The following ZFHX4 variants were observed in gnomAD, a reference collection of about 807,000 sequenced individuals.
ZFHX4 encodes zinc finger homeobox protein 4.
A neutral mutation model predicts 267.6 loss-of-function variants in ZFHX4; 56 were observed. The observed-to-expected ratio is 0.21, with a 90% confidence interval of 0.17 to 0.26. The LOEUF (loss-of-function observed/expected upper bound fraction) is 0.26, where lower values mean the gene tolerates loss of function less well. Among genes scored for constraint, ZFHX4 ranks in the 10% least tolerant of loss-of-function variants. The probability of loss-of-function intolerance (pLI) is 1.00; values close to 1 mark genes in which losing one functional copy is unlikely to be tolerated. For missense variants in ZFHX4, 4,332 were observed against 4,420.0 expected, an observed-to-expected ratio of 0.98 and a Z score of 0.56; for synonymous variants, 1,778 against 1,665.6, an observed-to-expected ratio of 1.07 and a Z score of -1.64.
At chr8:76,683,647 GGAGAGAGGGAGAGA>G (rs1386179726) in intron 1 of ZFHX4, 1 of 126,552 alleles carries the variant, frequency 7.9e-6, no homozygotes, top group East Asian at 2.5e-4. Flanking sequence ...AGAGAGGGGG[GGAGAGAGGGAGAGA>G]GAGAGAGAGA....
chr8:76,735,560 G>C (rs1230284811), intron 3 of ZFHX4, among the ~76,000 whole-genome samples: 1 of 151,898 alleles, frequency 6.6e-6, no homozygotes, highest in East Asian at 1.9e-4. Context: ...TCCAGGAAAT[G>C]GTTTTAAAAC....
chr8:76,708,438 T>A (rs1191491706), intron 3 of ZFHX4, among the ~76,000 whole-genome samples: 1 of 151,992 alleles, frequency 6.6e-6, no homozygotes, highest in African/African-American at 2.4e-5. Flanking sequence ...AATCAGTGCC[T>A]AACCTTGTGA....
At chr8:76,807,588 C>T (rs548281085) in intron 4 of ZFHX4, among the ~76,000 whole-genome samples, 1 of 152,140 alleles carries the variant, frequency 6.6e-6, no homozygotes, top group Admixed American at 6.6e-5. Flanking sequence ...GGGGACATTA[C>T]CATCTTAAAC....
intron 3 of ZFHX4, among the ~76,000 whole-genome samples, chr8:76,754,395 A>G (rs1809708931): frequency 6.6e-6 from 1 of 152,114 alleles, no homozygotes. Flanking sequence ...AGGCTGAGAC[A>G]GGAGAATCAC....
intron 1 of ZFHX4, among the ~76,000 whole-genome samples, chr8:76,703,063 G>C (rs1808145061): frequency 6.6e-6 from 1 of 152,024 alleles, no homozygotes; most frequent in African/African-American, 2.4e-5. Context: ...GTCAGAAACT[G>C]ATATGGCTTT....
At chr8:76,857,883 G>C (rs796072083) in intron 10 of ZFHX4, among the ~76,000 whole-genome samples, 5 of 147,916 alleles carry the variant, frequency 3.4e-5, no homozygotes, top group African/African-American at 1.2e-4. Context: ...GTTATTTTCT[G>C]GTCCCATTTT....
chr8:76,815,672 T>C (rs1214995580), intron 4 of ZFHX4, among the ~76,000 whole-genome samples: 1 of 152,120 alleles, frequency 6.6e-6, no homozygotes, highest in Non-Finnish European at 1.5e-5. Context: ...TGGCTAATTT[T>C]TTATTTTTTG....
chr8:76,806,234 A>G (rs1005940087), intron 4 of ZFHX4, among the ~76,000 whole-genome samples: 1 of 152,124 alleles, frequency 6.6e-6, no homozygotes, highest in Non-Finnish European at 1.5e-5. Flanking sequence ...AAAAGACAAG[A>G]TGCCTAGCTC....
intron 4 of ZFHX4, among the ~76,000 whole-genome samples, chr8:76,799,692 C>T (rs140445175): frequency 1.5e-3 from 230 of 152,294 alleles, no homozygotes; most frequent in African/African-American, 5.3e-3. Context: ...TTTTATCTCA[C>T]TCTCTCTTTC....
At chr8:76,737,152 G>T (rs779943679) in intron 3 of ZFHX4, among the ~76,000 whole-genome samples, 9 of 152,102 alleles carry the variant, frequency 5.9e-5, no homozygotes, top group Non-Finnish European at 1.3e-4. Flanking sequence ...AGTGTTTTAC[G>T]CTCTAGGTAA....
rs568548836 is a variant in ZFHX4 at position 76,764,014 on chromosome 8, G to T, written c.3094-14194G>T. Among the ~76,000 whole-genome samples, 13 of 152,140 alleles carry T rather than the reference G, an allele frequency of 8.5e-5. No homozygotes were observed. The South Asian group carries it at 2.7e-3, about 32-fold the overall frequency. On this transcript the variant is annotated intron_variant, in intron 3 of 10. Coordinates refer to ENST00000651372, the MANE Select transcript of ZFHX4 (RefSeq NM_024721.5). ...ATTTATTTTTCTCATCACATGGTTT[G>T]GTCTCAACAACATCAACAAAATGGA...
In ZFHX4 at chr8:76,778,392, A is replaced by G. The variant is rs751293238; in HGVS notation, c.3278A>G (p.Asn1093Ser). The change falls in exon 4 of 11, where the codon AAC becomes AGC. Residue 1093 changes from asparagine to serine, a missense_variant. Physicochemically the swap from Asn to Ser is conservative, Grantham distance 46. Around this residue, in one of 7 missense-constraint regions of ZFHX4, gnomAD observed 1,371 missense variants for 1,423.1 expected, o/e 0.96. Transcript: ENST00000651372. ...CAAGGCCTGGCACCAGAGGAGGACA[A>G]CCTCAGTGAGATCTTTTTTGTTAAA... is the stretch of plus-strand genomic sequence containing the variant. ...HQQGLAPEED[N>S]LSEIFFVKDC... 3.1e-6 allele frequency: 5 copies of G among 1,613,626 alleles called. No homozygotes were observed. Among genetic ancestry groups the G allele is most frequent in the Middle Eastern group, 1.6e-4 (1 of 6,080 alleles).
rs1554572164 is a variant in ZFHX4 at position 76,835,231 on chromosome 8, A to ATG, written c.3394+1826_3394+1827insGT. ...GGTGTATATATATGTATATATATAT[A>ATG]TATATATATGTATATATATATATAT... On this transcript the variant is annotated intron_variant, in intron 5 of 10. Transcript: ENST00000651372. 3.9e-4 allele frequency among the ~76,000 whole-genome samples: 49 copies of ATG among 124,790 alleles called. 1 individual carries two copies. Among genetic ancestry groups the ATG allele is most frequent in the African/African-American group, 1.6e-3 (46 of 29,212 alleles). The allele number at this position is 124,790 out of a possible 152,430, so 81.9% of individuals were successfully genotyped here. A position where few individuals can be genotyped will look rare whatever the true frequency, so the allele number is the denominator to read the frequency against.
intron 3 of ZFHX4, among the ~76,000 whole-genome samples, chr8:76,750,867 A>G (rs1276533211): frequency 6.6e-6 from 1 of 152,186 alleles, no homozygotes; most frequent in Non-Finnish European, 1.5e-5. Context: ...TGAAATTAAA[A>G]GATAAGCACC....
chr8:76,761,568 T>A (rs1809913352), intron 3 of ZFHX4, among the ~76,000 whole-genome samples: 1 of 152,202 alleles, frequency 6.6e-6, no homozygotes, highest in South Asian at 2.1e-4. Flanking sequence ...AAATAGATAA[T>A]GTTATATATT....
In ZFHX4 at chr8:76,835,231, A is replaced by ATATG. The variant is rs1554572162; in HGVS notation, c.3394+1828_3394+1829insGTAT. Among the ~76,000 whole-genome samples, 359 of 124,782 alleles carry ATATG rather than the reference A, an allele frequency of 2.9e-3. 6 individuals are homozygous for ATATG. Among genetic ancestry groups the ATATG allele is most frequent in the African/African-American group, 0.012 (339 of 29,204 alleles). 81.9% of individuals were successfully genotyped at this position (124,782 alleles called of 152,430 possible). On this transcript the variant is annotated intron_variant, in intron 5 of 10. Transcript: ENST00000651372. ...GGTGTATATATATGTATATATATAT[A>ATATG]TATATATATGTATATATATATATAT...
At chr8:76,684,147 C>A (rs1807630829) in intron 1 of ZFHX4, among the ~76,000 whole-genome samples, 3 of 151,188 alleles carry the variant, frequency 2.0e-5, no homozygotes, top group Admixed American at 1.3e-4. Context: ...AGGAGATATT[C>A]GGAATTATTT....
At chr8:76,762,041 C>T (rs1170082510) in intron 3 of ZFHX4, among the ~76,000 whole-genome samples, 1 of 152,122 alleles carries the variant, frequency 6.6e-6, no homozygotes, top group African/African-American at 2.4e-5. Flanking sequence ...GTCTACTCCT[C>T]TGGAGGACAG....
intron 9 of ZFHX4, 99 bp downstream of exon 9, chr8:76,850,461 A>C: frequency 2.0e-6 from 2 of 980,586 alleles, no homozygotes; most frequent in Non-Finnish European, 1.5e-6. Flanking sequence ...ATTTTCGTAA[A>C]GCATAGGGGA....
Sources: gnomAD v4.1 joint callset for allele counts (sites outside exome capture counted in the v4.1 genomes callset) on GRCh38, gnomAD v4.1.1 for gene constraint, gnomAD v4.1.1 regional missense constraint, MANE v1.5 for transcripts, NCBI Gene and HGNC (gene_info 2026-07-23, HGNC 2026-07-21) for gene names.